SLC15A1: variants seen among roughly 807,000 people sequenced by gnomAD.
The protein encoded by SLC15A1 is solute carrier family 15 member 1, also known as Caco-2 oligopeptide transporter.
Under a neutral mutation model 92.9 loss-of-function variants are expected in SLC15A1, and 83 were observed. The observed-to-expected ratio is 0.89, with a 90% CI of 0.75 to 1.07. The LOEUF is 1.07. Ranked by LOEUF, SLC15A1 falls within the 50% of genes least tolerant of loss-of-function variation. The probability of loss-of-function intolerance (pLI) is 0.00; values close to 1 mark genes in which losing one functional copy is unlikely to be tolerated. For synonymous variants in SLC15A1, 322 were observed against 318.2 expected, an observed-to-expected ratio of 1.01 and a Z score of -0.13; for missense variants, 857 against 880.1, an observed-to-expected ratio of 0.97 and a Z score of 0.33.
intron 21 of SLC15A1, among the ~76,000 whole-genome samples, chr13:98,686,885 A>C (rs2066079): frequency 0.012 from 1,815 of 152,286 alleles, 17 homozygotes; most frequent in South Asian, 0.039. Context: ...GGTATCAATA[A>C]AACCTAGCTC....
intron 18 of SLC15A1, among the ~76,000 whole-genome samples, chr13:98,699,231 G>A (rs891730426): frequency 2.3e-4 from 35 of 152,118 alleles, no homozygotes; most frequent in African/African-American, 8.5e-4. Context: ...GAGTGGGACT[G>A]GGCAAGAGAA....
chr13:98,719,408 C>T (rs547017793), intron 7 of SLC15A1, 88 bp from the exon 8 acceptor site: 59 of 929,922 alleles, frequency 6.3e-5, no homozygotes, highest in South Asian at 4.0e-4. Flanking sequence ...CTGATAATTA[C>T]GTATTGCTTT....
chr13:98,713,211 C>T (rs978551715), intron 9 of SLC15A1, among the ~76,000 whole-genome samples: 9 of 152,110 alleles, frequency 5.9e-5, no homozygotes, highest in African/African-American at 1.9e-4. Flanking sequence ...TATGTACCAC[C>T]ATGCCTGGCT....
intron 7 of SLC15A1, among the ~76,000 whole-genome samples, chr13:98,719,725 C>A (rs2088240008): frequency 6.6e-6 from 1 of 152,150 alleles, no homozygotes. Context: ...ATTCGATGAC[C>A]TAGGGCAGGG....
intron 2 of SLC15A1, 48 bp from the exon 3 acceptor site, chr13:98,726,497 T>C (rs1566454748): frequency 2.6e-6 from 4 of 1,549,876 alleles, no homozygotes; most frequent in Non-Finnish European, 3.5e-6. Context: ...CCCCCACTGG[T>C]CCATAGCCAC....
chr13:98,741,647 C>T (rs2139609613), intron 1 of SLC15A1, among the ~76,000 whole-genome samples: 1 of 150,506 alleles, frequency 6.6e-6, no homozygotes, highest in South Asian at 2.1e-4. Flanking sequence ...TTGCTTGAAC[C>T]CAGGAGGTGG....
chr13:98,724,319 C>T (rs1259200731), intron 4 of SLC15A1, among the ~76,000 whole-genome samples: 1 of 152,118 alleles, frequency 6.6e-6, no homozygotes, highest in Non-Finnish European at 1.5e-5. Context: ...GCCTGGGCAA[C>T]ATAGCAAGAC....
At chr13:98,695,361 A>G (rs2088013734) in intron 18 of SLC15A1, among the ~76,000 whole-genome samples, 1 of 152,084 alleles carries the variant, frequency 6.6e-6, no homozygotes, top group African/African-American at 2.4e-5. Context: ...AGCTAGGACC[A>G]CAAGCATGCA....
At chr13:98,713,325 G>A (rs1050563552) in intron 9 of SLC15A1, among the ~76,000 whole-genome samples, 1 of 151,932 alleles carries the variant, frequency 6.6e-6, no homozygotes, top group African/African-American at 2.4e-5. Flanking sequence ...GCCTCCCAAA[G>A]TGCTGGAGTG....
At chr13:98,724,670 T>A (rs2088285319) in intron 4 of SLC15A1, among the ~76,000 whole-genome samples, 1 of 152,128 alleles carries the variant, frequency 6.6e-6, no homozygotes, top group Admixed American at 6.5e-5. Context: ...GACGGGGGTT[T>A]CACCACGTTA....
chr13:98,737,104 C>T (rs946055074), intron 1 of SLC15A1, among the ~76,000 whole-genome samples: 1 of 152,126 alleles, frequency 6.6e-6, no homozygotes, highest in African/African-American at 2.4e-5. Context: ...AAATGTCCAT[C>T]AATGATAGAC....
intron 18 of SLC15A1, among the ~76,000 whole-genome samples, chr13:98,700,850 A>C (rs2088061355): frequency 6.6e-6 from 1 of 152,214 alleles, no homozygotes; most frequent in Non-Finnish European, 1.5e-5. Flanking sequence ...ACTTTTGACA[A>C]AAATCAGTTG....
intron 1 of SLC15A1, among the ~76,000 whole-genome samples, chr13:98,743,925 C>T (rs1471164555): frequency 6.6e-6 from 1 of 152,144 alleles, no homozygotes; most frequent in Non-Finnish European, 1.5e-5. Flanking sequence ...GCCTCCGGGA[C>T]AGCATCAGCT....
At position 98,711,577 on chromosome 13, in the gene SLC15A1, C is replaced by T. The variant is rs549851081; in HGVS notation, c.900+277G>A. Among the ~76,000 whole-genome samples the T allele has an allele frequency of 2.0e-4, 31 of 152,308 alleles. 1 individual carries two copies. The South Asian group carries it at 2.3e-3, about 11-fold the overall frequency. On this transcript the variant is annotated intron_variant, in intron 11 of 22. Coordinates refer to ENST00000376503, the MANE Select transcript of SLC15A1 (RefSeq NM_005073.4). ...TGATTGGAAGAGTGCTGGATGAAAT[C>T]TTTCCCAAGGCTACTTGACTTGACC...
intron 1 of SLC15A1, 121 bp downstream of exon 1, chr13:98,752,474 T>C (rs1158911444): frequency 2.1e-6 from 2 of 974,700 alleles, no homozygotes; most frequent in Non-Finnish European, 2.7e-6. Flanking sequence ...CCCGTGGGCC[T>C]TCGGGTCGCC....
chr13:98,697,155 G>A (rs2088028672), intron 18 of SLC15A1, among the ~76,000 whole-genome samples: 1 of 151,942 alleles, frequency 6.6e-6, no homozygotes, highest in Admixed American at 6.6e-5. Flanking sequence ...TCCTGGGTTC[G>A]AGTGATGCTC....
At chr13:98,707,241 A>G (rs1274750837) in intron 15 of SLC15A1, among the ~76,000 whole-genome samples, 2 of 152,246 alleles carry the variant, frequency 1.3e-5, no homozygotes, top group Middle Eastern at 3.2e-3. Flanking sequence ...CAAAAGGTGC[A>G]GGTAACCCAA....
intron 1 of SLC15A1, among the ~76,000 whole-genome samples, chr13:98,734,535 A>T (rs987644932): frequency 1.4e-4 from 21 of 152,188 alleles, no homozygotes; most frequent in South Asian, 4.1e-4. Context: ...TTCCTAGCCA[A>T]GGGAAGACTG....
At chr13:98,717,515 C>T (rs1400818249) in intron 8 of SLC15A1, among the ~76,000 whole-genome samples, 1 of 152,128 alleles carries the variant, frequency 6.6e-6, no homozygotes, top group Non-Finnish European at 1.5e-5. Flanking sequence ...AACAATGTAC[C>T]TAACGTGCTT....
Sources: gnomAD v4.1 joint callset for allele counts (sites outside exome capture counted in the v4.1 genomes callset) on GRCh38, gnomAD v4.1.1 for gene constraint, MANE v1.5 for transcripts, NCBI Gene and HGNC (gene_info 2026-07-23, HGNC 2026-07-21) for gene names.